Variants in FHIT observed in about 807,000 individuals in gnomAD.
FHIT encodes the protein fragile histidine triad diadenosine triphosphatase.
FHIT carries 19 observed loss-of-function variants against 17.9 expected under a neutral mutation model. The observed-to-expected ratio is 1.06, with a 90% confidence interval of 0.74 to 1.56. FHIT has a LOEUF of 1.56. FHIT is among the 40% of genes most tolerant of loss of function. The pLI is 0.00. For missense variants in FHIT, 248 were observed against 189.2 expected (o/e 1.31, Z -1.82); for synonymous variants, 81 against 69.7 (o/e 1.16, Z -0.81).
At chr3:60,368,190 CT>C (rs142853246) in intron 5 of FHIT, among the ~76,000 whole-genome samples, 1,910 of 122,882 alleles carry the variant, frequency 0.016, 34 homozygotes, top group African/African-American at 0.046. Context: ...TAAAACATAT[CT>C]TTTTAAAAAA....
intron 5 of FHIT, among the ~76,000 whole-genome samples, chr3:60,373,660 C>A (rs369547018): frequency 2.6e-5 from 4 of 152,002 alleles, no homozygotes; most frequent in African/African-American, 9.7e-5. Flanking sequence ...GCAATTGTCC[C>A]CAAAATGTCC....
intron 3 of FHIT, among the ~76,000 whole-genome samples, chr3:60,993,106 C>T (rs927287168): frequency 1.3e-5 from 2 of 152,128 alleles, no homozygotes; most frequent in African/African-American, 2.4e-5. Flanking sequence ...GGTGAACTAG[C>T]TAGAAATACA....
chr3:60,546,807 G>A (rs2036381919), intron 4 of FHIT, among the ~76,000 whole-genome samples: 1 of 152,072 alleles, frequency 6.6e-6, no homozygotes, highest in Admixed American at 6.6e-5. Context: ...AGTAGATAAT[G>A]AAGTATACAA....
At chr3:59,890,697 AAGAG>A (rs780971061) in intron 8 of FHIT, among the ~76,000 whole-genome samples, 1 of 152,174 alleles carries the variant, frequency 6.6e-6, no homozygotes, top group African/African-American at 2.4e-5. Context: ...AGCTGCTCAA[AAGAG>A]AGAGAGAAAT....
At chr3:59,801,674 C>G (rs527508514) in intron 8 of FHIT, among the ~76,000 whole-genome samples, 2 of 152,074 alleles carry the variant, frequency 1.3e-5, no homozygotes, top group Non-Finnish European at 2.9e-5. Flanking sequence ...GCATTCGCTA[C>G]GCATAATCCC....
chr3:60,536,988 A>G lies in FHIT; in HGVS notation c.-17-9T>C, dbSNP rs1316169006. 1.3e-6 allele frequency: 2 copies of G among 1,593,236 alleles called. No individual in the cohort carries two copies. The highest frequency in any genetic ancestry group is 1.7e-6 in the Non-Finnish European group (2 of 1,173,400). Reference sequence around the variant, plus strand: ...GTCCTCACAGTTGAAGTCTAAAAGAAAAGACAATGGATAGTTATAAAATTC... The same window carrying G: ...GTCCTCACAGTTGAAGTCTAAAAGAGAAGACAATGGATAGTTATAAAATTC... On this transcript the variant is annotated splice_polypyrimidine_tract_variant and intron_variant, in intron 4 of 9. Transcript: ENST00000492590.
chr3:61,188,109 C>CA (rs1254845823), intron 2 of FHIT, among the ~76,000 whole-genome samples: 8 of 152,008 alleles, frequency 5.3e-5, no homozygotes, highest in African/African-American at 1.4e-4. Context: ...AATAGAGACA[C>CA]AAAAAACCCT....
At chr3:60,847,817 A>G (rs1193230034) in intron 3 of FHIT, among the ~76,000 whole-genome samples, 5 of 151,910 alleles carry the variant, frequency 3.3e-5, no homozygotes, top group African/African-American at 1.2e-4. Flanking sequence ...TCTGTGATAC[A>G]CTCATTTTTT....
intron 8 of FHIT, among the ~76,000 whole-genome samples, chr3:59,816,547 T>A (rs1700606079): frequency 6.6e-6 from 1 of 152,086 alleles, no homozygotes; most frequent in South Asian, 2.1e-4. Context: ...ATGAGAGCCA[T>A]CTGGGATGAC....
intron 3 of FHIT, among the ~76,000 whole-genome samples, chr3:60,890,943 C>T (rs1321239715): frequency 2.0e-5 from 3 of 152,228 alleles, no homozygotes; most frequent in Non-Finnish European, 4.4e-5. Flanking sequence ...TGACTCCACA[C>T]ATCAATGGCA....
intron 8 of FHIT, among the ~76,000 whole-genome samples, chr3:59,889,760 C>G (rs1296821168): frequency 6.6e-6 from 1 of 152,180 alleles, no homozygotes; most frequent in Non-Finnish European, 1.5e-5. Flanking sequence ...TAAGAAGACA[C>G]TAATTCTTCA....
At chr3:60,961,993 G>A (rs1377624681) in intron 3 of FHIT, among the ~76,000 whole-genome samples, 1 of 152,148 alleles carries the variant, frequency 6.6e-6, no homozygotes, top group African/African-American at 2.4e-5. Context: ...GATGGGGATG[G>A]CGTTGAATCT....
In FHIT at chr3:60,977,908, A is replaced by G. The variant is rs182076518; in HGVS notation, c.-111+64139T>C. Among the ~76,000 whole-genome samples, 3 of 152,230 alleles carry G rather than the reference A, an allele frequency of 2.0e-5. No homozygotes were observed. The East Asian group carries it at 5.8e-4, about 29-fold the overall frequency. On this transcript the variant is annotated intron_variant, in intron 3 of 9. Transcript: ENST00000492590. ...CAAAAAGACAGAGTCATTGCTAACC[A>G]TGTTGCTTAGCACAATTTTGGAAGG... is the stretch of plus-strand genomic sequence containing the variant.
At chr3:60,185,484 C>T (rs1018377326) in intron 5 of FHIT, among the ~76,000 whole-genome samples, 1 of 152,158 alleles carries the variant, frequency 6.6e-6, no homozygotes, top group Admixed American at 6.5e-5. Context: ...ATGTTCCATT[C>T]TACAGATGTA....
intron 3 of FHIT, among the ~76,000 whole-genome samples, chr3:60,984,806 G>A (rs1367028380): frequency 6.6e-6 from 1 of 151,952 alleles, no homozygotes; most frequent in African/African-American, 2.4e-5. Flanking sequence ...GTGTGTGTGT[G>A]TGTGTGTGTG....
At chr3:61,141,055 A>T (rs976417564) in intron 2 of FHIT, among the ~76,000 whole-genome samples, 3 of 152,194 alleles carry the variant, frequency 2.0e-5, no homozygotes, top group Admixed American at 2.0e-4. Context: ...ATTTGAGGAT[A>T]CATATGTTCA....
chr3:60,495,339 A>T (rs998431443), intron 5 of FHIT, among the ~76,000 whole-genome samples: 2 of 152,130 alleles, frequency 1.3e-5, no homozygotes, highest in African/African-American at 4.8e-5. Context: ...TCTTTAAGGG[A>T]ATACTCTTAA....
chr3:60,595,606 GAT>G (rs2038241712), intron 4 of FHIT, among the ~76,000 whole-genome samples: 1 of 146,612 alleles, frequency 6.8e-6, no homozygotes, highest in African/African-American at 2.5e-5. Context: ...TATACGTGTA[GAT>G]ATATGTGTGT....
At chr3:60,755,566 T>C (rs2042555563) in intron 4 of FHIT, among the ~76,000 whole-genome samples, 1 of 152,202 alleles carries the variant, frequency 6.6e-6, no homozygotes, top group Non-Finnish European at 1.5e-5. Context: ...CTTGTGCCAT[T>C]TATCAGCAAG....
Sources: gnomAD v4.1 joint callset for allele counts (sites outside exome capture counted in the v4.1 genomes callset) on GRCh38, gnomAD v4.1.1 for gene constraint, MANE v1.5 for transcripts, NCBI Gene and HGNC (gene_info 2026-07-23, HGNC 2026-07-21) for gene names.